HACE1: variants seen among roughly 807,000 people sequenced by gnomAD.
HACE1 encodes HECT domain and ankyrin repeat containing E3 ubiquitin protein ligase 1.
HACE1 carries 73 observed loss-of-function variants against 118.4 expected under a neutral mutation model. That is an observed-to-expected ratio of 0.62 (90% CI 0.51 to 0.75). The LOEUF (loss-of-function observed/expected upper bound fraction) is 0.75, where lower values mean the gene tolerates loss of function less well. HACE1 is among the 30% of genes least tolerant of loss of function. The pLI is 0.00. For synonymous variants in HACE1, 368 were observed against 374.8 expected (o/e 0.98, Z 0.21); for missense variants, 749 against 1,102.2 (o/e 0.68, Z 4.54).
intron 11 of HACE1, among the ~76,000 whole-genome samples, chr6:104,790,102 A>G (rs1782863653): frequency 6.6e-6 from 1 of 151,978 alleles, no homozygotes; most frequent in Non-Finnish European, 1.5e-5. Flanking sequence ...TACACACTCA[A>G]CGTGCACACA....
At chr6:104,803,110 C>A (rs1770577737) in intron 7 of HACE1, among the ~76,000 whole-genome samples, 1 of 151,938 alleles carries the variant, frequency 6.6e-6, no homozygotes, top group Non-Finnish European at 1.5e-5. Flanking sequence ...ACTAGAAAAT[C>A]CAGAAGAAAC....
intron 4 of HACE1, among the ~76,000 whole-genome samples, chr6:104,844,439 G>A (rs1277174899): frequency 1.3e-5 from 2 of 151,566 alleles, no homozygotes; most frequent in Non-Finnish European, 2.9e-5. Flanking sequence ...CGCCTCCCAG[G>A]TTCAAGCAAT....
chr6:104,832,030 G>C (rs1447014661), intron 6 of HACE1, among the ~76,000 whole-genome samples: 1 of 141,980 alleles, frequency 7.0e-6, no homozygotes, highest in East Asian at 2.1e-4. Context: ...AAGGAAGGAA[G>C]GAGAAAGAAA....
intron 5 of HACE1, among the ~76,000 whole-genome samples, chr6:104,838,884 C>T (rs1486951426): frequency 1.3e-5 from 1 of 76,078 alleles, no homozygotes; most frequent in African/African-American, 4.4e-5. Flanking sequence ...TCAAACAACT[C>T]CATAGTAAAA....
chr6:104,803,553 G>C (rs567374794), intron 7 of HACE1, among the ~76,000 whole-genome samples: 1 of 152,114 alleles, frequency 6.6e-6, no homozygotes, highest in Non-Finnish European at 1.5e-5. Context: ...TGCAAGGCTG[G>C]CTCAACATAT....
chr6:104,821,039 G>A (rs113495010), intron 6 of HACE1, among the ~76,000 whole-genome samples: 2 of 152,206 alleles, frequency 1.3e-5, no homozygotes, highest in African/African-American at 4.8e-5. Context: ...TCCTTTTCAG[G>A]GACATGAATG....
intron 4 of HACE1, among the ~76,000 whole-genome samples, chr6:104,848,319 G>A (rs1012230336): frequency 6.6e-6 from 1 of 151,462 alleles, no homozygotes; most frequent in African/African-American, 2.4e-5. Flanking sequence ...AGCTGGACGT[G>A]GTGGCACGTG....
At chr6:104,854,080 G>C (rs1471488658) in intron 1 of HACE1, among the ~76,000 whole-genome samples, 1 of 152,164 alleles carries the variant, frequency 6.6e-6, no homozygotes, top group Admixed American at 6.6e-5. Context: ...CTGCAGATGA[G>C]GGTGGACTAC....
intron 14 of HACE1, among the ~76,000 whole-genome samples, chr6:104,778,624 C>G: frequency 6.7e-6 from 1 of 149,226 alleles, no homozygotes; most frequent in Non-Finnish European, 1.5e-5. Context: ...GAGACCCTGT[C>G]TCTACCAAAA....
In HACE1 at chr6:104,777,207, T is replaced by A; in HGVS notation, c.1677A>T (p.Arg559Ser). 6.2e-7 allele frequency: 1 copy of A among 1,604,656 alleles called. No homozygotes were observed. Among genetic ancestry groups the A allele is most frequent in the Non-Finnish European group, 8.5e-7 (1 of 1,171,364 alleles). ...TATCAGTTTCTTTGTTAAGCATACC[T>A]CTGTGAACCAGCAGGATATCATTTT... ...VNENDILLVHRDSIFRSSCEV... is the reference protein window; with the variant it reads ...VNENDILLVHSDSIFRSSCEV... The change falls in exon 15 of 24, where the codon AGA (arginine) becomes AGT (serine). Residue 559 changes from arginine to serine, a missense_variant and splice_region_variant. Transcript: ENST00000262903.
chr6:104,771,879 A>AAAACAATATAAATAAATGTCTGCAG lies in HACE1; in HGVS notation c.2014+21_2014+45dup, dbSNP rs778942229. ...ATCTAGTTTTCCTCAAACTGAAAAAAAAACAATATAAATAAATGTCTGCAG... is the reference window on the plus strand; with the variant it reads ...ATCTAGTTTTCCTCAAACTGAAAAAAAAACAATATAAATAAATGTCTGCAGAAACAATATAAATAAATGTCTGCAG... On this transcript the variant is annotated intron_variant, in intron 18 of 23. Transcript: ENST00000262903. The AAAACAATATAAATAAATGTCTGCAG allele has an allele frequency of 4.6e-4, 632 of 1,377,438 alleles. 3 individuals carry two copies. Among genetic ancestry groups the AAAACAATATAAATAAATGTCTGCAG allele is most frequent in the Middle Eastern group, 2.4e-3 (13 of 5,528 alleles). 85.3% of individuals were successfully genotyped at this position (1,377,438 alleles called of 1,614,324 possible).
chr6:104,815,350 T>C (rs1772003805), intron 6 of HACE1, among the ~76,000 whole-genome samples: 1 of 136,748 alleles, frequency 7.3e-6, no homozygotes, highest in Non-Finnish European at 1.6e-5. Flanking sequence ...AGAGATGAAT[T>C]AGGGTATCTG....
chr6:104,841,938 C>T (rs781456262), intron 5 of HACE1, among the ~76,000 whole-genome samples: 11 of 152,138 alleles, frequency 7.2e-5, no homozygotes, highest in Non-Finnish European at 1.0e-4. Flanking sequence ...ATACCACCTC[C>T]ATGTGATTCA....
At chr6:104,826,170 CCTCGATTTCTGA>C (rs1773307984) in intron 6 of HACE1, among the ~76,000 whole-genome samples, 1 of 152,186 alleles carries the variant, frequency 6.6e-6, no homozygotes, top group African/African-American at 2.4e-5. Context: ...AAAACCATCC[CCTCGATTTCTGA>C]CTGTGGAAAA....
chr6:104,775,553 G>A (rs143606994), intron 17 of HACE1, among the ~76,000 whole-genome samples: 15 of 152,208 alleles, frequency 9.9e-5, no homozygotes, highest in African/African-American at 3.6e-4. Flanking sequence ...GAAGAAATAA[G>A]TCTAAAATAT....
At chr6:104,799,993 G>A (rs1164784678) in intron 7 of HACE1, among the ~76,000 whole-genome samples, 1 of 152,076 alleles carries the variant, frequency 6.6e-6, no homozygotes, top group Non-Finnish European at 1.5e-5. Flanking sequence ...GGAAAAACGG[G>A]ACACTCCTGC....
chr6:104,800,044 A>C (rs1250943956), intron 7 of HACE1, among the ~76,000 whole-genome samples: 2 of 152,042 alleles, frequency 1.3e-5, no homozygotes, highest in Non-Finnish European at 2.9e-5. Context: ...TAAACGACAC[A>C]CCAGGAGATT....
rs1774855421 is a variant in HACE1, at chr6:104,728,242, A to G, written c.*1420T>C. 1 of 152,226 alleles carries G rather than the reference A, an allele frequency of 6.6e-6. No homozygotes were observed. The highest frequency in any genetic ancestry group is 1.5e-5 in the Non-Finnish European group (1 of 68,040). 9.4% of individuals were successfully genotyped at this position (152,226 alleles called of 1,614,324 possible). ...AAGCAGTGTAATATTAAAGGTGGTT[A>G]TCTATTTGAAAACTCAGAAGGCAGT... On this transcript the variant is annotated 3_prime_UTR_variant, in exon 24 of 24. Transcript: ENST00000262903.
chr6:104,848,547 C>T (rs1775886808), intron 4 of HACE1, among the ~76,000 whole-genome samples: 1 of 151,670 alleles, frequency 6.6e-6, no homozygotes, highest in Non-Finnish European at 1.5e-5. Context: ...TAATTCCAAT[C>T]ATTTTGGTCT....
Sources: gnomAD v4.1 joint callset for allele counts (sites outside exome capture counted in the v4.1 genomes callset) on GRCh38, gnomAD v4.1.1 for gene constraint, MANE v1.5 for transcripts, NCBI Gene and HGNC (gene_info 2026-07-23, HGNC 2026-07-21) for gene names.